Variants in LAMC1 observed in about 807,000 individuals in gnomAD.
LAMC1 encodes the protein laminin subunit gamma 1.
Under a neutral mutation model 173.6 loss-of-function variants are expected in LAMC1, and 38 were observed. The observed-to-expected ratio is 0.22, with a 90% CI of 0.17 to 0.29. The LOEUF is 0.29. LAMC1 is among the 10% of genes least tolerant of loss of function. The pLI, the probability that LAMC1 is intolerant of heterozygous loss-of-function variation, is 1.00. For synonymous variants in LAMC1, 746 were observed against 749.1 expected, an observed-to-expected ratio of 1.00 and a Z score of 0.07; for missense variants, 1,824 against 2,051.8, an observed-to-expected ratio of 0.89 and a Z score of 2.14.
intron 1 of LAMC1, among the ~76,000 whole-genome samples, chr1:183,102,718 A>G (rs904512065): frequency 2.0e-5 from 3 of 151,934 alleles, no homozygotes; most frequent in African/African-American, 4.8e-5. Context: ...TTTTTCCCCC[A>G]TTTCATTGTT....
Position 183,136,548 on chromosome 1 carries a change from C to T in LAMC1, c.4277C>T (p.Ala1426Val). ...AADATEAKNK[A>V]HEAERIASAV... ...GATGCCACAGAGGCCAAGAACAAGG[C>T]CCATGAGGCGGAGAGGATCGCGAGC... is the stretch of plus-strand genomic sequence containing the variant. The change falls in exon 25 of 28, where the codon GCC (alanine) becomes GTC (valine). Residue 1426 changes from alanine to valine, a missense_variant. Transcript: ENST00000258341. 18 of 1,613,334 alleles carry T rather than the reference C, an allele frequency of 1.1e-5. No individual in the cohort carries two copies. Among genetic ancestry groups the T allele is most frequent in the Non-Finnish European group, 1.4e-5 (16 of 1,179,562 alleles).
chr1:183,058,578 T>C (rs1337322605), intron 1 of LAMC1, among the ~76,000 whole-genome samples: 1 of 152,250 alleles, frequency 6.6e-6, no homozygotes, highest in Non-Finnish European at 1.5e-5. Flanking sequence ...AGTTTTTTAG[T>C]TCTTATACAC....
chr1:183,067,862 A>G (rs1445709161), intron 1 of LAMC1, among the ~76,000 whole-genome samples: 1 of 152,118 alleles, frequency 6.6e-6, no homozygotes, highest in African/African-American at 2.4e-5. Context: ...TAGTATTGGG[A>G]GTATCATGAT....
At chr1:183,130,943 G>T (rs1163435558) in intron 19 of LAMC1, among the ~76,000 whole-genome samples, 1 of 152,190 alleles carries the variant, frequency 6.6e-6, no homozygotes, top group Non-Finnish European at 1.5e-5. Flanking sequence ...GGGAGGCCGA[G>T]GCGGGTGGAT....
intron 2 of LAMC1, among the ~76,000 whole-genome samples, chr1:183,105,149 C>T (rs1375204807): frequency 2.1e-5 from 3 of 141,962 alleles, no homozygotes; most frequent in Admixed American, 7.4e-5. Context: ...CACTTGAACC[C>T]GGGAGGTGGA....
At chr1:183,134,379 G>A (rs2102108257) in intron 22 of LAMC1, among the ~76,000 whole-genome samples, 1 of 152,302 alleles carries the variant, frequency 6.6e-6, no homozygotes, top group East Asian at 1.9e-4. Context: ...GGTGGAAAGG[G>A]AGAAAAGGGA....
intron 1 of LAMC1, among the ~76,000 whole-genome samples, chr1:183,060,947 C>T (rs1267432756): frequency 6.6e-6 from 1 of 152,114 alleles, no homozygotes; most frequent in Non-Finnish European, 1.5e-5. Context: ...ATGAAGCTGA[C>T]CAATTGAGAT....
intron 27 of LAMC1, 77 bp from the exon 28 acceptor site, chr1:183,142,457 T>G (rs1157025066): frequency 1.4e-6 from 2 of 1,445,364 alleles, no homozygotes; most frequent in Non-Finnish European, 1.9e-6. Flanking sequence ...GGGCCTAGAG[T>G]CTAGTGCAGG....
intron 1 of LAMC1, among the ~76,000 whole-genome samples, chr1:183,090,613 C>T (rs1655541877): frequency 6.6e-6 from 1 of 152,204 alleles, no homozygotes; most frequent in African/African-American, 2.4e-5. Context: ...AGGCCTTGTG[C>T]AAAGGACTGA....
rs368182106 is a variant in LAMC1 at position 183,086,916 on chromosome 1, A to C, written c.419-16412A>C. Reference sequence around the variant, plus strand: ...GAAAGTATTGAAAAGATCTAGTAATAGAGATATTTTCAGAAATCTAACAGA... The same window carrying C: ...GAAAGTATTGAAAAGATCTAGTAATCGAGATATTTTCAGAAATCTAACAGA... On this transcript the variant is annotated intron_variant, in intron 1 of 27. Transcript: ENST00000258341. Among the ~76,000 whole-genome samples the C allele has an allele frequency of 8.0e-4, 122 of 152,364 alleles. 1 individual carries two copies. In the Middle Eastern group the frequency reaches 0.024, roughly 30 times the overall value.
chr1:183,129,351 G>A (rs1479292071), intron 18 of LAMC1, among the ~76,000 whole-genome samples: 2 of 152,092 alleles, frequency 1.3e-5, no homozygotes, highest in Non-Finnish European at 2.9e-5. Flanking sequence ...GCCTCCCAAA[G>A]TGCTGGGATT....
At chr1:183,045,419 ATTGT>A (rs1027602163) in intron 1 of LAMC1, among the ~76,000 whole-genome samples, 9 of 151,922 alleles carry the variant, frequency 5.9e-5, no homozygotes, top group African/African-American at 2.2e-4. Flanking sequence ...TAAACAATGT[ATTGT>A]TTGTTTTTGA....
rs192362585 is a variant in LAMC1, at chr1:183,113,066, C to T, written c.1022-1465C>T. ...TGGCATGTGCCTGTACTCCCAGCTA[C>T]GTGGCAGGATGAGGCAGAAGGATCA... On this transcript the variant is annotated intron_variant, in intron 4 of 27. Coordinates refer to ENST00000258341, the MANE Select transcript of LAMC1 (RefSeq NM_002293.4). Among the ~76,000 whole-genome samples, 15 of 152,224 alleles carry T rather than the reference C, an allele frequency of 9.9e-5. No homozygotes were observed. In the East Asian group the frequency reaches 1.2e-3, roughly 12 times the overall value.
At chr1:183,051,507 T>C (rs1481523220) in intron 1 of LAMC1, among the ~76,000 whole-genome samples, 2 of 152,224 alleles carry the variant, frequency 1.3e-5, no homozygotes, top group Non-Finnish European at 2.9e-5. Flanking sequence ...TCCCAAATTC[T>C]TGACTCTCAA....
intron 19 of LAMC1, 35 bp from the exon 20 acceptor site, chr1:183,131,264 G>T (rs199689428): frequency 3.4e-5 from 51 of 1,519,122 alleles, no homozygotes; most frequent in Non-Finnish European, 4.5e-5. Context: ...AAATAATTCA[G>T]TCCTTTGAGA....
At chr1:183,098,266 C>CTTTT (rs1655744670) in intron 1 of LAMC1, among the ~76,000 whole-genome samples, 1 of 152,142 alleles carries the variant, frequency 6.6e-6, no homozygotes, top group Non-Finnish European at 1.5e-5. Context: ...TCAGGTAGAG[C>CTTTT]TATTTAACAG....
chr1:183,137,129 G>C (rs1656967494), intron 25 of LAMC1, among the ~76,000 whole-genome samples: 1 of 152,134 alleles, frequency 6.6e-6, no homozygotes, highest in Admixed American at 6.5e-5. Context: ...AGAGATTGGA[G>C]CAATTTTAGA....
chr1:183,128,776 C>T (rs762811224), intron 18 of LAMC1, 26 bp downstream of exon 18: 2 of 1,553,726 alleles, frequency 1.3e-6, no homozygotes, highest in African/African-American at 2.7e-5. Context: ...CAGTGCATGA[C>T]TTCTGTGAGA....
chr1:183,038,536 C>T (rs920669205), intron 1 of LAMC1, among the ~76,000 whole-genome samples: 4 of 137,600 alleles, frequency 2.9e-5, no homozygotes, highest in Non-Finnish European at 6.4e-5. Context: ...CATCAACTTT[C>T]TTCAGAGAGA....
Sources: allele counts gnomAD v4.1 joint callset (sites outside exome capture counted in the v4.1 genomes callset), GRCh38; gene constraint gnomAD v4.1.1; transcripts MANE v1.5; gene names NCBI Gene and HGNC (gene_info 2026-07-23, HGNC 2026-07-21).